The following TBCK variants were observed in gnomAD, a reference collection of about 807,000 sequenced individuals.
TBCK encodes the protein TBC1 domain containing kinase.
Under a neutral mutation model 113.4 loss-of-function variants are expected in TBCK, and 99 were observed. That is an observed-to-expected ratio of 0.87 (90% CI 0.74 to 1.03). TBCK has a LOEUF of 1.03. Among genes scored for constraint, TBCK ranks in the 50% least tolerant of loss-of-function variants. The pLI is 0.00. For synonymous variants in TBCK, 369 were observed against 370.8 expected (o/e 1.00, Z 0.05); for missense variants, 1,045 against 1,061.3 (o/e 0.98, Z 0.21).
chr4:106,066,001 G>A (rs552400844), intron 25 of TBCK, among the ~76,000 whole-genome samples: 30 of 152,122 alleles, frequency 2.0e-4, no homozygotes, highest in African/African-American at 7.2e-4. Flanking sequence ...AGGGGAAGTG[G>A]TAATTGTAAA....
In TBCK at chr4:106,193,644, A is replaced by T; in HGVS notation, c.2024T>A (p.Phe675Tyr). 6.2e-7 allele frequency: 1 copy of T among 1,613,682 alleles called. No individual in the cohort carries two copies. Among genetic ancestry groups the T allele is most frequent in the Non-Finnish European group, 8.5e-7 (1 of 1,179,672 alleles). Residue 675 changes from phenylalanine to tyrosine, a missense_variant, in exon 22 of 26, where the codon TTT becomes TAT. By Grantham distance (22) the Phe-to-Tyr change is conservative. Coordinates refer to ENST00000394708, the MANE Select transcript of TBCK (RefSeq NM_001163435.3). ...QLRDRLLANGFNECILLFSDL... is the reference protein window; with the variant it reads ...QLRDRLLANGYNECILLFSDL... Reference sequence around the variant, plus strand: ...GGAGAAGAGAAGAATACACTCATTAAAGCCATTAGCCAAAAGCCGGTCCCG... The same window carrying T: ...GGAGAAGAGAAGAATACACTCATTATAGCCATTAGCCAAAAGCCGGTCCCG...
intron 3 of TBCK, among the ~76,000 whole-genome samples, chr4:106,293,351 T>A (rs925391833): frequency 6.6e-6 from 1 of 152,162 alleles, no homozygotes; most frequent in African/African-American, 2.4e-5. Context: ...ACTTTGGGTG[T>A]CACTGTCTCC....
intron 24 of TBCK, among the ~76,000 whole-genome samples, chr4:106,110,992 T>TAAA (rs34101966): frequency 1.4e-5 from 2 of 147,484 alleles, no homozygotes; most frequent in African/African-American, 5.0e-5. Flanking sequence ...TATAAAGAGC[T>TAAA]AAAAAAAAAA....
intron 2 of TBCK, among the ~76,000 whole-genome samples, chr4:106,301,559 G>A (rs1215763953): frequency 1.3e-5 from 2 of 152,078 alleles, no homozygotes; most frequent in Non-Finnish European, 2.9e-5. Context: ...CCATTCCTGA[G>A]ATTAAAAACT....
chr4:106,310,950 G>T (rs1314175671), intron 1 of TBCK, among the ~76,000 whole-genome samples: 1 of 151,792 alleles, frequency 6.6e-6, no homozygotes, highest in Non-Finnish European at 1.5e-5. Flanking sequence ...TTATACAAAA[G>T]AATAAAGAGA....
At chr4:106,094,036 G>A (rs1229972967) in intron 25 of TBCK, among the ~76,000 whole-genome samples, 1 of 152,058 alleles carries the variant, frequency 6.6e-6, no homozygotes, top group African/African-American at 2.4e-5. Context: ...TATTCCTCTC[G>A]ATTTTGCTCT....
Position 106,233,032 on chromosome 4 carries a change from G to T in TBCK, c.1545C>A (p.Tyr515Ter). The T allele has an allele frequency of 6.2e-7, 1 of 1,611,434 alleles. No individual in the cohort carries two copies. The highest frequency in any genetic ancestry group is 8.5e-7 in the Non-Finnish European group (1 of 1,178,186). ...CTTCTGGTGATGATAACAGTTCATCGTACTGATGACAGCGAGGAATATCCA... is the reference window on the plus strand; with the variant it reads ...CTTCTGGTGATGATAACAGTTCATCTTACTGATGACAGCGAGGAATATCCA... ...IEVDIPRCHQYDELLSSPEGH... is the reference protein window; with the variant it reads ...IEVDIPRCHQ Residue 515 changes from tyrosine (Y) to a stop codon, truncating the protein, a stop_gained, in exon 17 of 26, where the codon TAC (tyrosine) becomes TAA (stop). Transcript: ENST00000394708. LOFTEE classifies it high-confidence loss of function.
chr4:106,312,371 A>G (rs1469805475), intron 1 of TBCK, among the ~76,000 whole-genome samples: 1 of 152,164 alleles, frequency 6.6e-6, no homozygotes, highest in East Asian at 1.9e-4. Flanking sequence ...AGTTCTTAAT[A>G]TCATTAATTG....
At chr4:106,208,722 T>C (rs1755809062) in intron 20 of TBCK, among the ~76,000 whole-genome samples, 1 of 152,124 alleles carries the variant, frequency 6.6e-6, no homozygotes, top group African/African-American at 2.4e-5. Context: ...TGTAACCCTG[T>C]AGCACACCCC....
At chr4:106,062,972 A>C (rs1736215747) in intron 25 of TBCK, among the ~76,000 whole-genome samples, 1 of 151,906 alleles carries the variant, frequency 6.6e-6, no homozygotes, top group African/African-American at 2.4e-5. Context: ...ACTACACAAA[A>C]CTTATGAAAA....
At chr4:106,261,392 C>A (rs980166752) in intron 4 of TBCK, among the ~76,000 whole-genome samples, 8 of 151,998 alleles carry the variant, frequency 5.3e-5, no homozygotes, top group African/African-American at 1.7e-4. Flanking sequence ...AAGCAATGTT[C>A]TCATCTCAGC....
intron 23 of TBCK, among the ~76,000 whole-genome samples, chr4:106,117,000 T>A (rs1743595419): frequency 6.6e-6 from 1 of 152,000 alleles, no homozygotes. Context: ...ACCCAGTCCA[T>A]GGAAACACTG....
intron 15 of TBCK, 50 bp downstream of exon 15, chr4:106,235,219 T>A: frequency 7.9e-7 from 1 of 1,267,350 alleles, no homozygotes; most frequent in South Asian, 1.5e-5. Flanking sequence ...TCCTTCTCCA[T>A]CCTTTCTTTG....
intron 23 of TBCK, among the ~76,000 whole-genome samples, chr4:106,120,586 G>A: frequency 6.6e-6 from 1 of 152,210 alleles, no homozygotes; most frequent in Non-Finnish European, 1.5e-5. Context: ...TTTGAAGAGA[G>A]CAGTGGTTCT....
intron 25 of TBCK, among the ~76,000 whole-genome samples, chr4:106,065,133 G>A (rs968543656): frequency 6.6e-6 from 1 of 151,942 alleles, no homozygotes; most frequent in Non-Finnish European, 1.5e-5. Flanking sequence ...TGAACACTCT[G>A]CTCAAGGATA....
At chr4:106,206,799 G>C (rs1408607603) in intron 20 of TBCK, among the ~76,000 whole-genome samples, 1 of 152,148 alleles carries the variant, frequency 6.6e-6, no homozygotes, top group East Asian at 1.9e-4. Flanking sequence ...ATTGTGATAA[G>C]CTTTTAAGTA....
chr4:106,255,471 G>C (rs897211428), intron 5 of TBCK, among the ~76,000 whole-genome samples: 2 of 152,206 alleles, frequency 1.3e-5, no homozygotes, highest in African/African-American at 4.8e-5. Flanking sequence ...AGCAGGTCCA[G>C]GTGCTGGCAT....
Position 106,235,448 on chromosome 4 carries a change from T to A in TBCK, c.1351-81A>T, listed in dbSNP as rs992229733. ...GTCTAGACAGTTCTGAATATACCCATGATAAAACTTAAGTGACTTGCAATA... is the reference window on the plus strand; with the variant it reads ...GTCTAGACAGTTCTGAATATACCCAAGATAAAACTTAAGTGACTTGCAATA... On this transcript the variant is annotated intron_variant, in intron 14 of 25. Coordinates refer to ENST00000394708, the MANE Select transcript of TBCK (RefSeq NM_001163435.3). 3 of 826,134 alleles carry A rather than the reference T, an allele frequency of 3.6e-6. No homozygotes were observed. In the African/African-American group the frequency reaches 5.3e-5, roughly 15 times the overall value. The allele number at this position is 826,134 out of a possible 1,614,324, so 51.2% of individuals were successfully genotyped here. A position where few individuals can be genotyped will look rare whatever the true frequency, so the allele number is the denominator to read the frequency against.
chr4:106,066,360 A>C (rs553312129), intron 25 of TBCK, among the ~76,000 whole-genome samples: 4 of 152,084 alleles, frequency 2.6e-5, no homozygotes, highest in South Asian at 4.1e-4. Context: ...TTAAAAAAAA[A>C]CCCAAAATAC....
Sources: gnomAD v4.1 joint callset for allele counts (sites outside exome capture counted in the v4.1 genomes callset) on GRCh38, gnomAD v4.1.1 for gene constraint, MANE v1.5 for transcripts, NCBI Gene and HGNC (gene_info 2026-07-23, HGNC 2026-07-21) for gene names.